The following CCNYL1 variants were observed in gnomAD, a reference collection of about 807,000 sequenced individuals.
CCNYL1 encodes the protein cyclin Y like 1.
A neutral mutation model predicts 44.2 loss-of-function variants in CCNYL1; 16 were observed. The observed-to-expected ratio is 0.36, with a 90% CI of 0.25 to 0.55. CCNYL1 has a LOEUF of 0.55. Among genes scored for constraint, CCNYL1 ranks in the 20% least tolerant of loss-of-function variants. The pLI, the probability that CCNYL1 is intolerant of heterozygous loss-of-function variation, is 0.85. For synonymous variants in CCNYL1, 159 were observed against 163.2 expected (o/e 0.97, Z 0.20); for missense variants, 348 against 451.8 (o/e 0.77, Z 2.08).
rs888370238 is a variant in CCNYL1 at position 207,755,030 on chromosome 2, C to T, written c.*1332C>T. On this transcript the variant is annotated 3_prime_UTR_variant, in exon 10 of 10. Coordinates refer to ENST00000295414, the MANE Select transcript of CCNYL1 (RefSeq NM_001330218.2). ...TGCCTATAGGAATAGCTACTACACT[C>T]CAACCTGGACAACGTTATCAAGACC... is the stretch of plus-strand genomic sequence containing the variant. 2 of 151,806 alleles carry T rather than the reference C, an allele frequency of 1.3e-5. No individual in the cohort carries two copies. The highest frequency in any genetic ancestry group is 2.9e-5 in the Non-Finnish European group (2 of 67,982). The allele number at this position is 151,806 out of a possible 1,614,324, so 9.4% of individuals were successfully genotyped here.
At chr2:207,731,575 G>T (rs2091726567) in intron 3 of CCNYL1, among the ~76,000 whole-genome samples, 1 of 152,056 alleles carries the variant, frequency 6.6e-6, no homozygotes, top group Non-Finnish European at 1.5e-5. Flanking sequence ...TGTTGAGGTT[G>T]TAAGTCAGCT....
chr2:207,754,645 G>A lies in CCNYL1; in HGVS notation c.*947G>A, dbSNP rs1050679855. ...TGTTTTGTTTGTTTTTAAAGAGATG[G>A]GGGTCTTACTGCGTTGTCCAGGCTG... On this transcript the variant is annotated 3_prime_UTR_variant, in exon 10 of 10. Transcript: ENST00000295414. The A allele has an allele frequency of 6.5e-6, 1 of 152,676 alleles. No homozygotes were observed. The highest frequency in any genetic ancestry group is 1.5e-5 in the Non-Finnish European group (1 of 68,146). 9.5% of individuals were successfully genotyped at this position (152,676 alleles called of 1,614,324 possible).
chr2:207,733,913 T>A, intron 3 of CCNYL1, 34 bp from the exon 4 acceptor site: 7 of 1,348,926 alleles, frequency 5.2e-6, no homozygotes, highest in Non-Finnish European at 7.4e-6. Context: ...TTTAACTTAC[T>A]GTGACATTTT....
At position 207,753,485 on chromosome 2, in the gene CCNYL1, T is replaced by C. The variant is rs1027844314; in HGVS notation, c.970-103T>C. On this transcript the variant is annotated intron_variant, in intron 9 of 9. Coordinates refer to ENST00000295414, the MANE Select transcript of CCNYL1 (RefSeq NM_001330218.2). ...AGCCAAAGTAGCTGTAACTGTGAAC[T>C]ATCTAAAGGAGTCCACATGTGTGGC... 6 of 680,244 alleles carry C rather than the reference T, an allele frequency of 8.8e-6. No individual in the cohort carries two copies. The African/African-American group carries it at 9.1e-5, about 10-fold the overall frequency. The allele number at this position is 680,244 out of a possible 1,614,324, so 42.1% of individuals were successfully genotyped here. A position where few individuals can be genotyped will look rare whatever the true frequency, so the allele number is the denominator to read the frequency against.
intron 1 of CCNYL1, among the ~76,000 whole-genome samples, chr2:207,712,998 TAG>T (rs2091563621): frequency 6.6e-6 from 1 of 151,908 alleles, no homozygotes; most frequent in Non-Finnish European, 1.5e-5. Flanking sequence ...GAATTTTTAG[TAG>T]AGACGGGGTT....
rs181732402 is a variant in CCNYL1, at chr2:207,743,628, C to T, written c.639+1286C>T. ...TGGATAGAAGATAGATCTCTAAAGA[C>T]TGTTAGCATTTTTGAGGGACAAGCT... On this transcript the variant is annotated intron_variant, in intron 7 of 9. Coordinates refer to ENST00000295414, the MANE Select transcript of CCNYL1 (RefSeq NM_001330218.2). Among the ~76,000 whole-genome samples, 897 of 152,108 alleles carry T rather than the reference C, an allele frequency of 5.9e-3. 5 individuals are homozygous for T. The highest frequency in any genetic ancestry group is 9.4e-3 in the Non-Finnish European group (636 of 67,972).
chr2:207,727,992 T>A (rs1230083535), intron 3 of CCNYL1, among the ~76,000 whole-genome samples: 1 of 151,548 alleles, frequency 6.6e-6, no homozygotes, highest in Non-Finnish European at 1.5e-5. Flanking sequence ...AGACAAAGTC[T>A]TGCTCTTGTC....
intron 1 of CCNYL1, among the ~76,000 whole-genome samples, chr2:207,719,892 A>T (rs1012858028): frequency 1.3e-5 from 2 of 152,028 alleles, no homozygotes; most frequent in Non-Finnish European, 2.9e-5. Flanking sequence ...GTTTAAAAAG[A>T]TAAGACTTGG....
At chr2:207,728,527 C>G (rs1429419575) in intron 3 of CCNYL1, among the ~76,000 whole-genome samples, 2 of 152,218 alleles carry the variant, frequency 1.3e-5, no homozygotes, top group Non-Finnish European at 2.9e-5. Flanking sequence ...CCACCTGCAT[C>G]AGCCTTTCAA....
chr2:207,753,911 T>A lies in CCNYL1; in HGVS notation c.*213T>A. On this transcript the variant is annotated 3_prime_UTR_variant, in exon 10 of 10. Transcript: ENST00000295414. The stretch of plus-strand genomic sequence containing the variant: ...AAACACTCTTCTGTCCTTTTTAATG[T>A]AAACAGAGTTACAAAAACCACTCCA... 2 of 436,308 alleles carry A rather than the reference T, an allele frequency of 4.6e-6. No homozygotes were observed. Among genetic ancestry groups the A allele is most frequent in the Non-Finnish European group, 4.1e-6 (1 of 244,830 alleles). The allele number at this position is 436,308 out of a possible 1,614,324, so 27.0% of individuals were successfully genotyped here.
intron 1 of CCNYL1, among the ~76,000 whole-genome samples, chr2:207,716,467 A>G (rs751138887): frequency 1.3e-5 from 2 of 152,140 alleles, no homozygotes; most frequent in Admixed American, 6.6e-5. Context: ...AGATCATTCT[A>G]TATGAGCTGC....
At chr2:207,723,089 A>G (rs2091653543) in intron 1 of CCNYL1, among the ~76,000 whole-genome samples, 1 of 152,166 alleles carries the variant, frequency 6.6e-6, no homozygotes, top group Non-Finnish European at 1.5e-5. Flanking sequence ...ATGTGGAAAA[A>G]CTTCAAACAT....
At position 207,734,059 on chromosome 2, in the gene CCNYL1, T is replaced by C. The variant is rs2091747520; in HGVS notation, c.431+12T>C. On this transcript the variant is annotated intron_variant, in intron 4 of 9. Coordinates refer to ENST00000295414, the MANE Select transcript of CCNYL1 (RefSeq NM_001330218.2). ...ACCACAGTAAAATGGTGAGTACAACTAGGCTGCCAAGGGCTGAGTGACAGA... is the reference window on the plus strand; with the variant it reads ...ACCACAGTAAAATGGTGAGTACAACCAGGCTGCCAAGGGCTGAGTGACAGA... 1 of 1,567,080 alleles carries C rather than the reference T, an allele frequency of 6.4e-7. No individual in the cohort carries two copies. Among genetic ancestry groups the C allele is most frequent in the African/African-American group, 1.4e-5 (1 of 73,994 alleles).
At chr2:207,748,991 T>C (rs927989938) in intron 8 of CCNYL1, among the ~76,000 whole-genome samples, 1 of 152,222 alleles carries the variant, frequency 6.6e-6, no homozygotes, top group Non-Finnish European at 1.5e-5. Context: ...TTATGAACAC[T>C]TAGCCCTACC....
chr2:207,746,545 G>C (rs1480040392), intron 7 of CCNYL1, among the ~76,000 whole-genome samples: 1 of 152,210 alleles, frequency 6.6e-6, no homozygotes, highest in Non-Finnish European at 1.5e-5. Context: ...GGCAGAATAG[G>C]CAGCAGAGAT....
intron 4 of CCNYL1, among the ~76,000 whole-genome samples, chr2:207,735,914 A>C (rs1229746646): frequency 6.6e-6 from 1 of 152,068 alleles, no homozygotes; most frequent in African/African-American, 2.4e-5. Context: ...AACACTCCTC[A>C]TGCCCCAAGT....
At chr2:207,722,748 C>G (rs1372368404) in intron 1 of CCNYL1, among the ~76,000 whole-genome samples, 4 of 152,014 alleles carry the variant, frequency 2.6e-5, no homozygotes, top group Non-Finnish European at 4.4e-5. Context: ...ATCACAAGGT[C>G]AGGAGTTTGA....
At chr2:207,742,736 A>G (rs562884596) in intron 7 of CCNYL1, among the ~76,000 whole-genome samples, 11 of 152,164 alleles carry the variant, frequency 7.2e-5, no homozygotes, top group African/African-American at 2.4e-4. Context: ...CCCAGGCTCT[A>G]TTCCCCAGGT....
intron 6 of CCNYL1, among the ~76,000 whole-genome samples, chr2:207,741,286 G>C (rs1439422381): frequency 6.6e-6 from 1 of 151,942 alleles, no homozygotes; most frequent in African/African-American, 2.4e-5. Flanking sequence ...GTATTTAAGA[G>C]AATCCTAACA....
Sources: allele counts gnomAD v4.1 joint callset (sites outside exome capture counted in the v4.1 genomes callset), GRCh38; gene constraint gnomAD v4.1.1; transcripts MANE v1.5; gene names NCBI Gene and HGNC (gene_info 2026-07-23, HGNC 2026-07-21).